The following DCDC2 variants were observed in gnomAD, a reference collection of about 807,000 sequenced individuals.
The protein encoded by DCDC2 is doublecortin domain containing 2.
A neutral mutation model predicts 50.2 loss-of-function variants in DCDC2; 40 were observed. The observed-to-expected ratio is 0.80, with a 90% CI of 0.62 to 1.04. DCDC2 has a LOEUF of 1.04. Ranked by LOEUF, DCDC2 falls within the 50% of genes least tolerant of loss-of-function variation. The pLI is 0.00. For synonymous variants in DCDC2, 234 were observed against 210.6 expected, an observed-to-expected ratio of 1.11 and a Z score of -0.96; for missense variants, 570 against 581.9, an observed-to-expected ratio of 0.98 and a Z score of 0.21.
chr6:24,224,523 G>A (rs1477306356), intron 7 of DCDC2, among the ~76,000 whole-genome samples: 1 of 152,062 alleles, frequency 6.6e-6, no homozygotes, highest in African/African-American at 2.4e-5. Flanking sequence ...TGCATGTGGT[G>A]TGTACATGCA....
At chr6:24,281,487 G>GAAAAAAAAA (rs59842458) in intron 6 of DCDC2, among the ~76,000 whole-genome samples, 1 of 83,780 alleles carries the variant, frequency 1.2e-5, no homozygotes, top group Admixed American at 1.6e-4. Context: ...ATGCTTTTAA[G>GAAAAAAAAA]AAAAAAAAAA....
At chr6:24,174,956 T>C (rs1760870376) in intron 9 of DCDC2, 122 bp from the exon 10 acceptor site, 2 of 506,578 alleles carry the variant, frequency 3.9e-6, no homozygotes, top group South Asian at 5.2e-5. Context: ...CTAAAAAGAG[T>C]TCCTGGGGTT....
At chr6:24,183,802 G>T (rs1410573905) in intron 8 of DCDC2, among the ~76,000 whole-genome samples, 5 of 152,174 alleles carry the variant, frequency 3.3e-5, no homozygotes, top group Admixed American at 3.3e-4. Flanking sequence ...CAGGAAAGAT[G>T]CGTAAACAAA....
chr6:24,323,299 A>T (rs1759803089), intron 2 of DCDC2, among the ~76,000 whole-genome samples: 1 of 152,240 alleles, frequency 6.6e-6, no homozygotes, highest in Admixed American at 6.5e-5. Flanking sequence ...GTAGTTTTCT[A>T]TCAAAACAAC....
chr6:24,186,299 A>G (rs2113746660), intron 8 of DCDC2, among the ~76,000 whole-genome samples: 1 of 152,364 alleles, frequency 6.6e-6, no homozygotes, highest in African/African-American at 2.4e-5. Context: ...TGTGCTTCTT[A>G]GAGCACTTTC....
At chr6:24,340,617 G>C (rs1196662890) in intron 2 of DCDC2, among the ~76,000 whole-genome samples, 2 of 151,846 alleles carry the variant, frequency 1.3e-5, no homozygotes, top group African/African-American at 4.8e-5. Context: ...TGGAAATCTA[G>C]TTATCCACTC....
At chr6:24,252,372 T>C (rs1299766701) in intron 7 of DCDC2, among the ~76,000 whole-genome samples, 2 of 152,150 alleles carry the variant, frequency 1.3e-5, no homozygotes, top group African/African-American at 2.4e-5. Context: ...CATGTGCTAA[T>C]GAATGCCTGC....
chr6:24,337,353 C>T (rs886158669), intron 2 of DCDC2, among the ~76,000 whole-genome samples: 5 of 152,154 alleles, frequency 3.3e-5, no homozygotes, highest in Non-Finnish European at 7.4e-5. Flanking sequence ...TATGCCAAAG[C>T]CTTTTCAAGC....
At chr6:24,257,685 C>A (rs1762922617) in intron 7 of DCDC2, among the ~76,000 whole-genome samples, 1 of 146,168 alleles carries the variant, frequency 6.8e-6, no homozygotes, top group South Asian at 2.1e-4. Flanking sequence ...GTGGAAGACG[C>A]CTGAAGTTGG....
At chr6:24,219,862 G>C (rs1449343261) in intron 7 of DCDC2, among the ~76,000 whole-genome samples, 1 of 152,192 alleles carries the variant, frequency 6.6e-6, no homozygotes, top group African/African-American at 2.4e-5. Context: ...CTGAACAAGG[G>C]GTGAAGGAGT....
intron 7 of DCDC2, among the ~76,000 whole-genome samples, chr6:24,214,319 G>A (rs1462317559): frequency 2.0e-5 from 3 of 152,072 alleles, no homozygotes; most frequent in African/African-American, 7.2e-5. Flanking sequence ...TCTAAGTGTA[G>A]ACAGAAAACA....
chr6:24,303,155 C>T (rs807694), intron 2 of DCDC2, among the ~76,000 whole-genome samples: 13,440 of 151,828 alleles, frequency 0.089, 898 homozygotes, highest in African/African-American at 0.2. Context: ...ACCTTATGGC[C>T]GCTCTCAAGT....
chr6:24,207,717 G>A lies in DCDC2; in HGVS notation c.923-2615C>T, dbSNP rs545851613. Reference sequence around the variant, plus strand: ...GAATAAGCATGGTGCACTGCAAAGAGTAAGTCCTCAGTTAATATTTATTAG... The same window carrying A: ...GAATAAGCATGGTGCACTGCAAAGAATAAGTCCTCAGTTAATATTTATTAG... On this transcript the variant is annotated intron_variant, in intron 7 of 9. Coordinates refer to ENST00000378454, the MANE Select transcript of DCDC2 (RefSeq NM_016356.5). Among the ~76,000 whole-genome samples the A allele has an allele frequency of 1.4e-3, 206 of 152,218 alleles. 2 individuals are homozygous for A. Among genetic ancestry groups the A allele is most frequent in the African/African-American group, 4.7e-3 (195 of 41,524 alleles).
At chr6:24,242,909 C>G (rs773863011) in intron 7 of DCDC2, among the ~76,000 whole-genome samples, 34 of 151,894 alleles carry the variant, frequency 2.2e-4, no homozygotes, top group Non-Finnish European at 2.2e-4. Flanking sequence ...TTGCAGTGAG[C>G]CGAGATCATG....
intron 8 of DCDC2, among the ~76,000 whole-genome samples, chr6:24,193,080 G>A (rs1008506991): frequency 2.0e-4 from 31 of 151,910 alleles, no homozygotes; most frequent in Non-Finnish European, 4.1e-4. Context: ...AAGGAAAATT[G>A]AAGAATCCCC....
At chr6:24,319,291 T>A (rs1464163354) in intron 2 of DCDC2, among the ~76,000 whole-genome samples, 1 of 152,008 alleles carries the variant, frequency 6.6e-6, no homozygotes, top group Non-Finnish European at 1.5e-5. Context: ...TGTGGGGTTT[T>A]TTTTTTTCCT....
intron 8 of DCDC2, among the ~76,000 whole-genome samples, chr6:24,201,551 A>G (rs1305062421): frequency 2.0e-5 from 3 of 152,098 alleles, no homozygotes; most frequent in Admixed American, 1.3e-4. Context: ...GAGAAAGCAG[A>G]AAAGATCTAA....
At chr6:24,229,769 A>C (rs793838) in intron 7 of DCDC2, among the ~76,000 whole-genome samples, 15 of 151,986 alleles carry the variant, frequency 9.9e-5, no homozygotes, top group Non-Finnish European at 2.2e-4. Flanking sequence ...TTATGCTTAC[A>C]TTATTTTATA....
At chr6:24,187,393 G>C (rs1273958770) in intron 8 of DCDC2, among the ~76,000 whole-genome samples, 2 of 152,100 alleles carry the variant, frequency 1.3e-5, no homozygotes, top group Admixed American at 1.3e-4. Flanking sequence ...CCCATGGGTA[G>C]AACCACCTTC....
Sources: gnomAD v4.1 joint callset for allele counts (sites outside exome capture counted in the v4.1 genomes callset) on GRCh38, gnomAD v4.1.1 for gene constraint, MANE v1.5 for transcripts, NCBI Gene and HGNC (gene_info 2026-07-23, HGNC 2026-07-21) for gene names.